The following SMPDL3B variants were observed in gnomAD, a reference collection of about 807,000 sequenced individuals.
The protein encoded by SMPDL3B is acid sphingomyelinase-like phosphodiesterase 3b.
SMPDL3B carries 31 observed loss-of-function variants against 37.9 expected under a neutral mutation model. The ratio of observed to expected loss-of-function variants is 0.82; its 90% CI spans 0.61 to 1.10. The LOEUF is 1.10. Ranked by LOEUF, SMPDL3B falls within the 50% of genes least tolerant of loss-of-function variation. SMPDL3B has a pLI of 0.00. For missense variants in SMPDL3B, 525 were observed against 597.8 expected (o/e 0.88, Z 1.27); for synonymous variants, 235 against 242.6 (o/e 0.97, Z 0.29).
chr1:27,956,273 C>G (rs1638272233), intron 7 of SMPDL3B, 191 bp downstream of exon 7: 1 of 1,522,056 alleles, frequency 6.6e-7, no homozygotes, highest in Non-Finnish European at 8.8e-7. Flanking sequence ...CAGTGCCTCA[C>G]CAAGTCACCT....
chr1:27,936,724 A>C (rs1257556266), intron 1 of SMPDL3B: 1 of 152,184 alleles, frequency 6.6e-6, no homozygotes, highest in Non-Finnish European at 1.5e-5. Flanking sequence ...AAGTAAATTT[A>C]AAAGGAATTC....
rs759565583 is a variant in SMPDL3B, at chr1:27,953,368, C to T, written c.517+10C>T. 15 of 1,603,558 alleles carry T rather than the reference C, an allele frequency of 9.4e-6. 1 individual carries two copies. In the South Asian group the frequency reaches 1.0e-4, roughly 11 times the overall value. On this transcript the variant is annotated intron_variant, in intron 4 of 7. Coordinates refer to ENST00000373894, the MANE Select transcript of SMPDL3B (RefSeq NM_014474.4). ...GCTCTCTTCAAAAAAGGTACCAACA[C>T]CACCTGCTCCTATCAAGAGCACTTA...
At chr1:27,950,616 AC>A in intron 3 of SMPDL3B, among the ~76,000 whole-genome samples, 1 of 152,062 alleles carries the variant, frequency 6.6e-6, no homozygotes, top group East Asian at 1.9e-4. Context: ...ACCACGCCCT[AC>A]TAATTATTTT....
intron 1 of SMPDL3B, chr1:27,942,344 T>G (rs1227366364): frequency 1.7e-5 from 8 of 471,024 alleles, no homozygotes; most frequent in African/African-American, 4.0e-5. Context: ...CTGGCCAGCC[T>G]GGCTCCGGGC....
At chr1:27,942,409 GC>G (rs1424118515) in intron 1 of SMPDL3B, 1 of 462,048 alleles carries the variant, frequency 2.2e-6, no homozygotes, top group Non-Finnish European at 4.5e-6. Flanking sequence ...GGGATGCCCA[GC>G]AACTCTGCCC....
At chr1:27,942,239 T>A (rs1204257505) in intron 1 of SMPDL3B, 1 of 464,128 alleles carries the variant, frequency 2.2e-6, no homozygotes, top group Non-Finnish European at 4.5e-6. Context: ...AAGAGCCAGC[T>A]TGAGGCAGGG....
At chr1:27,943,680 C>G (rs939150903) in intron 1 of SMPDL3B, among the ~76,000 whole-genome samples, 4 of 152,168 alleles carry the variant, frequency 2.6e-5, no homozygotes, top group Middle Eastern at 3.4e-3. Context: ...TCTGCTCAAC[C>G]CTCCTTCAGT....
At chr1:27,941,587 A>C (rs1451078446) in intron 1 of SMPDL3B, 1 of 152,440 alleles carries the variant, frequency 6.6e-6, no homozygotes, top group Non-Finnish European at 1.5e-5. Flanking sequence ...GTAAGTTCAC[A>C]TGTGATAGTG....
intron 1 of SMPDL3B, among the ~76,000 whole-genome samples, chr1:27,937,315 G>T (rs2090318435): frequency 6.6e-6 from 1 of 152,222 alleles, no homozygotes; most frequent in Non-Finnish European, 1.5e-5. Context: ...TTCCCCTGTG[G>T]GTTAGCTTGG....
chr1:27,947,324 C>A (rs1345643052), intron 2 of SMPDL3B, among the ~76,000 whole-genome samples: 1 of 152,186 alleles, frequency 6.6e-6, no homozygotes, highest in Non-Finnish European at 1.5e-5. Context: ...GCGTGAGCCA[C>A]TGCACCCGGC....
chr1:27,954,349 G>T lies in SMPDL3B; in HGVS notation c.518-5G>T. The T allele has an allele frequency of 6.2e-7, 1 of 1,612,658 alleles. No homozygotes were observed. The highest frequency in any genetic ancestry group is 1.1e-5 in the South Asian group (1 of 90,956). ...CCTCCTTCATATTGTCCCTGGCTGTGACAGGTGCCTTCTACTGTGAGAAGC... is the reference window on the plus strand; with the variant it reads ...CCTCCTTCATATTGTCCCTGGCTGTTACAGGTGCCTTCTACTGTGAGAAGC... On this transcript the variant is annotated splice_region_variant and splice_polypyrimidine_tract_variant and intron_variant, in intron 4 of 7. Coordinates refer to ENST00000373894, the MANE Select transcript of SMPDL3B (RefSeq NM_014474.4).
intron 3 of SMPDL3B, among the ~76,000 whole-genome samples, chr1:27,952,092 G>A (rs1359378514): frequency 2.6e-5 from 4 of 152,182 alleles, no homozygotes; most frequent in African/African-American, 9.7e-5. Context: ...CACCCTCATG[G>A]AGCTTATGTT....
chr1:27,956,593 T>C lies in SMPDL3B; in HGVS notation c.1005+511T>C, dbSNP rs116636597. ...TCCCTCACCTCGTAGGATGAGCTTG[T>C]GGTTGTTGAGATGAAAAATATTATT... is the stretch of plus-strand genomic sequence containing the variant. On this transcript the variant is annotated intron_variant, in intron 7 of 7. Transcript: ENST00000373894. 1.5e-3 allele frequency: 952 copies of C among 655,460 alleles called. 8 individuals carry two copies. In the African/African-American group the frequency reaches 0.017, roughly 12 times the overall value. 40.6% of individuals were successfully genotyped at this position (655,460 alleles called of 1,614,324 possible).
At chr1:27,941,998 T>G (rs1375893821) in intron 1 of SMPDL3B, among the ~76,000 whole-genome samples, 1 of 151,888 alleles carries the variant, frequency 6.6e-6, no homozygotes, top group Non-Finnish European at 1.5e-5. Flanking sequence ...CACACACACA[T>G]GCACACACAC....
intron 7 of SMPDL3B, 68 bp downstream of exon 7, chr1:27,956,150 ACT>A (rs762367422): frequency 1.2e-6 from 2 of 1,613,394 alleles, no homozygotes; most frequent in Non-Finnish European, 1.7e-6. Context: ...ACCTTCCCTC[ACT>A]CTCAGCTTAT....
In SMPDL3B at chr1:27,935,129, G is replaced by A; in HGVS notation, c.-55G>A. On this transcript the variant is annotated 5_prime_UTR_variant, in exon 1 of 8. Transcript: ENST00000373894. ...GAAAACTACTTAGGAAGCCTGTGGT[G>A]AGAACAACAACAGTGCCTGAGAATC... 1.4e-6 allele frequency: 2 copies of A among 1,409,966 alleles called. No individual in the cohort carries two copies. Among genetic ancestry groups the A allele is most frequent in the East Asian group, 2.3e-5 (1 of 43,820 alleles). 87.3% of individuals were successfully genotyped at this position (1,409,966 alleles called of 1,614,324 possible). A position where few individuals can be genotyped will look rare whatever the true frequency, so the allele number is the denominator to read the frequency against.
chr1:27,951,963 T>C (rs993778579), intron 3 of SMPDL3B, among the ~76,000 whole-genome samples: 1 of 152,222 alleles, frequency 6.6e-6, no homozygotes, highest in African/African-American at 2.4e-5. Context: ...GTTATGAGGA[T>C]TAAATAAGGT....
Position 27,935,313 on chromosome 1 carries a change from TC to T in SMPDL3B, c.61+70del, listed in dbSNP as rs912152952. On this transcript the variant is annotated intron_variant, in intron 1 of 7. Transcript: ENST00000373894. ...GAACTCTGGGGCTGCGGGAAGCTGC[TC>T]GCAGCCAGCTTGAAGGTGCTTCTAA... 37 of 1,216,656 alleles carry T rather than the reference TC, an allele frequency of 3.0e-5. No homozygotes were observed. The African/African-American group carries it at 5.3e-4, about 17-fold the overall frequency. 75.4% of individuals were successfully genotyped at this position (1,216,656 alleles called of 1,614,324 possible). A position where few individuals can be genotyped will look rare whatever the true frequency, so the allele number is the denominator to read the frequency against.
At chr1:27,941,768 G>T (rs370845346) in intron 1 of SMPDL3B, among the ~76,000 whole-genome samples, 3 of 152,182 alleles carry the variant, frequency 2.0e-5, no homozygotes, top group Admixed American at 6.5e-5. Flanking sequence ...AGGCCATGGC[G>T]TAGTCAGGGA....
Sources: gnomAD v4.1 joint callset for allele counts (sites outside exome capture counted in the v4.1 genomes callset) on GRCh38, gnomAD v4.1.1 for gene constraint, MANE v1.5 for transcripts, NCBI Gene and HGNC (gene_info 2026-07-23, HGNC 2026-07-21) for gene names.